TRPS1: variants seen among roughly 807,000 people sequenced by gnomAD.
TRPS1 encodes the protein transcriptional repressor GATA binding 1.
A neutral mutation model predicts 101.2 loss-of-function variants in TRPS1; 6 were observed. That is an observed-to-expected ratio of 0.06 (90% confidence interval 0.03 to 0.12). The LOEUF is 0.12. Among genes scored for constraint, TRPS1 ranks in the 10% least tolerant of loss-of-function variants. The pLI, the probability that TRPS1 is intolerant of heterozygous loss-of-function variation, is 1.00. For synonymous variants in TRPS1, 578 were observed against 589.8 expected (o/e 0.98, Z 0.29); for missense variants, 1,363 against 1,567.0 (o/e 0.87, Z 2.20).
chr8:115,552,302 C>T (rs1234150607), intron 5 of TRPS1, among the ~76,000 whole-genome samples: 2 of 152,000 alleles, frequency 1.3e-5, no homozygotes, highest in Admixed American at 1.3e-4. Context: ...CTGAGGTCTA[C>T]ATGATGAATG....
intron 1 of TRPS1, among the ~76,000 whole-genome samples, chr8:115,634,322 G>A (rs1162766749): frequency 1.3e-5 from 2 of 152,138 alleles, no homozygotes; most frequent in East Asian, 3.9e-4. Flanking sequence ...TGCTTTACAT[G>A]TTCTAGAAGT....
At chr8:115,550,352 T>C (rs1816674741) in intron 5 of TRPS1, among the ~76,000 whole-genome samples, 1 of 152,186 alleles carries the variant, frequency 6.6e-6, no homozygotes, top group Non-Finnish European at 1.5e-5. Context: ...TTAAGTCAGA[T>C]ACTGGTGGAC....
At chr8:115,466,567 C>T (rs548095012) in intron 5 of TRPS1, among the ~76,000 whole-genome samples, 32 of 152,156 alleles carry the variant, frequency 2.1e-4, no homozygotes, top group African/African-American at 7.7e-4. Flanking sequence ...AAGGAAACTT[C>T]TGAAATCACA....
In TRPS1 at chr8:115,640,595, T is replaced by A. The variant is rs541666407; in HGVS notation, c.-121-16837A>T. On this transcript the variant is annotated intron_variant, in intron 1 of 6. Coordinates refer to ENST00000395715, the MANE Select transcript of TRPS1 (RefSeq NM_014112.5). ...ATATGAACACGCATAAAACAGCAGG[T>A]CTTTGGGAAAAACCCTGGAAATGAA... is the stretch of plus-strand genomic sequence containing the variant. Among the ~76,000 whole-genome samples the A allele has an allele frequency of 2.5e-3, 385 of 152,290 alleles. 5 individuals carry two copies. In the South Asian group the frequency reaches 0.031, roughly 12 times the overall value.
At chr8:115,530,005 G>A (rs1816092300) in intron 5 of TRPS1, among the ~76,000 whole-genome samples, 1 of 152,056 alleles carries the variant, frequency 6.6e-6, no homozygotes, top group Non-Finnish European at 1.5e-5. Context: ...TAAAGACAGG[G>A]TAACCAAAAG....
At chr8:115,658,917 A>T (rs1212157907) in intron 1 of TRPS1, among the ~76,000 whole-genome samples, 1 of 152,126 alleles carries the variant, frequency 6.6e-6, no homozygotes, top group Non-Finnish European at 1.5e-5. Flanking sequence ...CAATGACCTA[A>T]AATCATCTTA....
chr8:115,563,424 T>C (rs564310796), intron 5 of TRPS1, among the ~76,000 whole-genome samples: 5 of 152,176 alleles, frequency 3.3e-5, no homozygotes, highest in Admixed American at 2.0e-4. Flanking sequence ...GTTCAATGAA[T>C]TGCAGCCAGG....
At chr8:115,580,245 A>ATAT (rs1554591594) in intron 5 of TRPS1, among the ~76,000 whole-genome samples, 409 of 139,864 alleles carry the variant, frequency 2.9e-3, no homozygotes, top group African/African-American at 5.1e-3. Flanking sequence ...AAAAAAAAAA[A>ATAT]ATATATATAT....
At chr8:115,667,803 T>C in intron 1 of TRPS1, 1 of 1,527,626 alleles carries the variant, frequency 6.5e-7, no homozygotes, top group Non-Finnish European at 8.8e-7. Context: ...TGTGCTGTTT[T>C]CCCACTTTGG....
intron 5 of TRPS1, among the ~76,000 whole-genome samples, chr8:115,539,121 T>TA (rs1816391564): frequency 6.6e-6 from 1 of 152,140 alleles, no homozygotes; most frequent in Non-Finnish European, 1.5e-5. Flanking sequence ...AGCTAATGTA[T>TA]TGAGGGCCTA....
rs1373417962 is a variant in TRPS1, at chr8:115,498,403, CTCTCTCTCTCTCTATATATATATA to C, written c.2701-79975_2701-79952del. Among the ~76,000 whole-genome samples the C allele has an allele frequency of 2.1e-3, 178 of 84,814 alleles. 2 individuals carry two copies. Among genetic ancestry groups the C allele is most frequent in the African/African-American group, 6.8e-3 (124 of 18,260 alleles). 55.6% of individuals were successfully genotyped at this position (84,814 alleles called of 152,430 possible). A position where few individuals can be genotyped will look rare whatever the true frequency, so the allele number is the denominator to read the frequency against. ...TCTCTCTCTCTCTCTCTCTCTCTCT[CTCTCTCTCTCTCTATATATATATA>C]TATATATATATATATATATATATAG... On this transcript the variant is annotated intron_variant, in intron 5 of 6. Transcript: ENST00000395715.
intron 5 of TRPS1, among the ~76,000 whole-genome samples, chr8:115,556,182 T>C (rs1422044602): frequency 1.3e-5 from 2 of 152,164 alleles, no homozygotes; most frequent in East Asian, 3.9e-4. Context: ...GGTGTCAAGG[T>C]TCCTGTTGGC....
At chr8:115,624,285 G>A (rs1032056023) in intron 1 of TRPS1, among the ~76,000 whole-genome samples, 1 of 152,026 alleles carries the variant, frequency 6.6e-6, no homozygotes, top group South Asian at 2.1e-4. Context: ...ACTATGAATT[G>A]CCATTTTAGA....
At chr8:115,472,890 C>T (rs1364792041) in intron 5 of TRPS1, among the ~76,000 whole-genome samples, 1 of 152,172 alleles carries the variant, frequency 6.6e-6, no homozygotes, top group African/African-American at 2.4e-5. Flanking sequence ...TTCCAATTCC[C>T]AACAAGTTCC....
intron 5 of TRPS1, among the ~76,000 whole-genome samples, chr8:115,532,980 C>T (rs1294864375): frequency 6.6e-6 from 1 of 152,106 alleles, no homozygotes; most frequent in African/African-American, 2.4e-5. Context: ...AAGAGAAGTT[C>T]AGCAGCTATT....
chr8:115,555,247 A>C (rs932837535), intron 5 of TRPS1, among the ~76,000 whole-genome samples: 1 of 152,162 alleles, frequency 6.6e-6, no homozygotes, highest in Non-Finnish European at 1.5e-5. Context: ...TAGAACATTC[A>C]GTAAGATATC....
At position 115,603,055 on chromosome 8, in the gene TRPS1, A is replaced by T. The variant is rs184987135; in HGVS notation, c.2096+818T>A. Among the ~76,000 whole-genome samples, 1,204 of 152,260 alleles carry T rather than the reference A, an allele frequency of 7.9e-3. 7 individuals carry two copies. Among genetic ancestry groups the T allele is most frequent in the Non-Finnish European group, 0.011 (719 of 67,992 alleles). ...AACTGTAAGTTCCATGAGGGCACTGACTATGTCTTCTCTTGTATATTCAAT... is the reference window on the plus strand; with the variant it reads ...AACTGTAAGTTCCATGAGGGCACTGTCTATGTCTTCTCTTGTATATTCAAT... On this transcript the variant is annotated intron_variant, in intron 4 of 6. Transcript: ENST00000395715.
chr8:115,591,888 T>C (rs1308549233), intron 4 of TRPS1, among the ~76,000 whole-genome samples: 1 of 152,182 alleles, frequency 6.6e-6, no homozygotes, highest in Admixed American at 6.5e-5. Flanking sequence ...CACTGAAGTA[T>C]ACGGCCCATT....
chr8:115,446,108 C>T (rs980505154), intron 5 of TRPS1, among the ~76,000 whole-genome samples: 8 of 151,856 alleles, frequency 5.3e-5, no homozygotes, highest in Non-Finnish European at 4.4e-5. Flanking sequence ...AAGGCAGGTA[C>T]GGCTATATGG....
Sources: allele counts gnomAD v4.1 joint callset (sites outside exome capture counted in the v4.1 genomes callset), GRCh38; gene constraint gnomAD v4.1.1; transcripts MANE v1.5; gene names NCBI Gene and HGNC (gene_info 2026-07-23, HGNC 2026-07-21).